Variants in SLC23A2 observed in about 807,000 individuals in gnomAD.
SLC23A2 encodes the protein solute carrier family 23 member 2.
A neutral mutation model predicts 73.3 loss-of-function variants in SLC23A2; 36 were observed. That is an observed-to-expected ratio of 0.49 (90% confidence interval 0.38 to 0.65). The LOEUF is 0.65. Ranked by LOEUF, SLC23A2 falls within the 30% of genes least tolerant of loss-of-function variation. The probability of loss-of-function intolerance (pLI) is 0.00; values close to 1 mark genes in which losing one functional copy is unlikely to be tolerated. For synonymous variants in SLC23A2, 343 were observed against 327.3 expected (o/e 1.05, Z -0.52); for missense variants, 507 against 841.6 (o/e 0.60, Z 4.92).
At chr20:4,877,124 C>T (rs1386852281) in intron 9 of SLC23A2, among the ~76,000 whole-genome samples, 3 of 152,008 alleles carry the variant, frequency 2.0e-5, no homozygotes, top group Non-Finnish European at 4.4e-5. Context: ...AACAAACCTG[C>T]ATGTTGTGCA....
chr20:4,964,818 G>A (rs1239892440), intron 2 of SLC23A2, among the ~76,000 whole-genome samples: 1 of 118,628 alleles, frequency 8.4e-6, no homozygotes, highest in African/African-American at 3.2e-5. Flanking sequence ...GGTGATGAGA[G>A]CAAGACTCTG....
chr20:4,894,717 C>A (rs539122574), intron 6 of SLC23A2, among the ~76,000 whole-genome samples: 1 of 152,198 alleles, frequency 6.6e-6, no homozygotes, highest in Admixed American at 6.5e-5. Context: ...CCCTCCCTTT[C>A]GTCTGCAAAG....
Position 4,852,723 on chromosome 20 carries a change from T to C in SLC23A2, c.*4249A>G, listed in dbSNP as rs1366859461. ...AATGTATTAAGGTGTCAAATGAAGA[T>C]TGTTACTAACGAACAAAAAAGGAGA... On this transcript the variant is annotated 3_prime_UTR_variant, in exon 17 of 17. Transcript: ENST00000338244. This position sits in a 1 kb window ranked among gnomAD's most constrained non-coding sequence, Gnocchi z 4.3. 1.3e-5 allele frequency: 2 copies of C among 152,414 alleles called. No homozygotes were observed. The highest frequency in any genetic ancestry group is 2.4e-5 in the African/African-American group (1 of 41,446). 9.4% of individuals were successfully genotyped at this position (152,414 alleles called of 1,614,324 possible).
intron 1 of SLC23A2, among the ~76,000 whole-genome samples, chr20:4,984,919 A>G (rs1243045955): frequency 2.0e-5 from 3 of 152,162 alleles, no homozygotes. Context: ...CGGGCGGATC[A>G]TGAGGTCAAG....
chr20:4,997,365 C>A (rs1018690612), intron 1 of SLC23A2, among the ~76,000 whole-genome samples: 4 of 152,126 alleles, frequency 2.6e-5, no homozygotes, highest in Non-Finnish European at 5.9e-5. Flanking sequence ...CTCCCCTCCT[C>A]CTGCCTCAGG....
Position 4,924,108 on chromosome 20 carries a change from G to A in SLC23A2, c.108+8347C>T, listed in dbSNP as rs754227875. 9.9e-4 allele frequency among the ~76,000 whole-genome samples: 151 copies of A among 151,978 alleles called. 2 individuals are homozygous for A. The highest frequency in any genetic ancestry group is 4.6e-4 in the Non-Finnish European group (31 of 67,992). The stretch of plus-strand genomic sequence containing the variant: ...GCACAGCACAGCTCTGAGCCGCATC[G>A]CCACTCTGTCCTGCTCACCTCCTGC... On this transcript the variant is annotated intron_variant, in intron 3 of 16. Transcript: ENST00000338244.
Position 4,998,575 on chromosome 20 carries a change from T to C in SLC23A2, c.-282+2831A>G. On this transcript the variant is annotated intron_variant, in intron 1 of 16. Transcript: ENST00000338244. This position sits in a 1 kb window ranked among gnomAD's most constrained non-coding sequence, Gnocchi z 4.1. ...AATAAAAGCAAGCCCAGAGAACAAC[T>C]GGAGGAATAGCAGGGCATGAAAATG... Among the ~76,000 whole-genome samples, 1 of 150,296 alleles carries C rather than the reference T, an allele frequency of 6.7e-6. No homozygotes were observed. The highest frequency in any genetic ancestry group is 2.1e-4 in the South Asian group (1 of 4,736).
At chr20:4,981,709 T>C (rs1025061325) in intron 1 of SLC23A2, among the ~76,000 whole-genome samples, 7 of 151,274 alleles carry the variant, frequency 4.6e-5, no homozygotes, top group East Asian at 1.9e-4. Context: ...TTCCTTCCTT[T>C]CTTTATCTTT....
intron 3 of SLC23A2, among the ~76,000 whole-genome samples, chr20:4,921,173 TTC>T (rs149164636): frequency 2.8e-4 from 42 of 152,336 alleles, no homozygotes; most frequent in African/African-American, 9.6e-4. Context: ...CAATTACAAG[TTC>T]TGTTTCTAAT....
intron 13 of SLC23A2, among the ~76,000 whole-genome samples, chr20:4,867,526 T>C (rs1930251647): frequency 6.6e-6 from 1 of 151,770 alleles, no homozygotes; most frequent in African/African-American, 2.4e-5. Flanking sequence ...GTCAGTGCTT[T>C]ATAAATATCT....
At position 4,902,547 on chromosome 20, in the gene SLC23A2, A is replaced by G; in HGVS notation, c.219T>C (p.Ala73=). ...GACTGCCAGTGCTATCCAGGGTCTC[A>G]GCGAGAGAGCTCTGCGAGCCAGAAG... The part of the protein sequence containing the change: ...ENGIAEKSSL[A]ETLDSTGSLD... Residue 73 remains alanine (A), a synonymous_variant, in exon 5 of 17, where the codon GCT becomes GCC. Coordinates refer to ENST00000338244, the MANE Select transcript of SLC23A2 (RefSeq NM_005116.6). The surrounding 1 kb of genome is among the most constrained non-coding windows in gnomAD (Gnocchi z 4.0). The G allele has an allele frequency of 6.3e-7, 1 of 1,598,480 alleles. No individual in the cohort carries two copies. The highest frequency in any genetic ancestry group is 8.6e-7 in the Non-Finnish European group (1 of 1,168,998).
Position 4,854,029 on chromosome 20 carries a change from T to G in SLC23A2, c.*2943A>C, listed in dbSNP as rs1282687652. On this transcript the variant is annotated 3_prime_UTR_variant, in exon 17 of 17. Coordinates refer to ENST00000338244, the MANE Select transcript of SLC23A2 (RefSeq NM_005116.6). ...ACGCTGTCTACATTTCATGTTGGGATTGCCCACACAAATGCTTTCTTTCAG... is the reference window on the plus strand; with the variant it reads ...ACGCTGTCTACATTTCATGTTGGGAGTGCCCACACAAATGCTTTCTTTCAG... 1 of 152,234 alleles carries G rather than the reference T, an allele frequency of 6.6e-6. No homozygotes were observed. Among genetic ancestry groups the G allele is most frequent in the African/African-American group, 2.4e-5 (1 of 41,448 alleles). 9.4% of individuals were successfully genotyped at this position (152,234 alleles called of 1,614,324 possible).
chr20:4,871,405 C>T (rs938359493), intron 11 of SLC23A2, among the ~76,000 whole-genome samples: 3 of 152,032 alleles, frequency 2.0e-5, no homozygotes, highest in Non-Finnish European at 4.4e-5. Context: ...CTCCAGGGAT[C>T]GGGAGGGTCT....
At chr20:4,990,598 C>T (rs1439585908) in intron 1 of SLC23A2, among the ~76,000 whole-genome samples, 1 of 136,786 alleles carries the variant, frequency 7.3e-6, no homozygotes, top group Non-Finnish European at 1.5e-5. Context: ...GTCTTGAACT[C>T]CTGGCCTCAG....
At chr20:4,962,137 A>C (rs2087400994) in intron 2 of SLC23A2, among the ~76,000 whole-genome samples, 2 of 117,234 alleles carry the variant, frequency 1.7e-5, no homozygotes, top group African/African-American at 6.7e-5. Context: ...GAGAAAAATG[A>C]TATTATTTTA....
At chr20:4,867,113 T>C (rs2122785518) in intron 13 of SLC23A2, among the ~76,000 whole-genome samples, 1 of 138,554 alleles carries the variant, frequency 7.2e-6, no homozygotes, top group African/African-American at 2.7e-5. Flanking sequence ...CAGCACTCCC[T>C]TCCACTCAGG....
chr20:4,918,379 GGTT>G (rs1932396184), intron 3 of SLC23A2, among the ~76,000 whole-genome samples: 3 of 152,082 alleles, frequency 2.0e-5, no homozygotes, highest in African/African-American at 7.2e-5. Flanking sequence ...TATGAAAGGA[GGTT>G]TTCTCTGCCT....
intron 2 of SLC23A2, among the ~76,000 whole-genome samples, chr20:4,951,978 C>T (rs1416716442): frequency 6.6e-6 from 1 of 151,732 alleles, no homozygotes; most frequent in African/African-American, 2.4e-5. Context: ...TGGCACGTGC[C>T]TGTAATCCCA....
chr20:4,953,254 C>G (rs1473627273), intron 2 of SLC23A2, among the ~76,000 whole-genome samples: 1 of 151,842 alleles, frequency 6.6e-6, no homozygotes, highest in Non-Finnish European at 1.5e-5. Flanking sequence ...TGCAGTCAGC[C>G]AAGATAGCGC....
Sources: gnomAD v4.1 joint callset for allele counts (sites outside exome capture counted in the v4.1 genomes callset) on GRCh38, gnomAD v4.1.1 for gene constraint, Gnocchi (gnomAD v3.1) non-coding constraint, MANE v1.5 for transcripts, NCBI Gene and HGNC (gene_info 2026-07-23, HGNC 2026-07-21) for gene names.